Variants in NLGN1 observed in about 807,000 individuals in gnomAD.
The protein encoded by NLGN1 is neuroligin 1, also known as neuroligin-1.
Under a neutral mutation model 65.5 loss-of-function variants are expected in NLGN1, and 12 were observed. That is an observed-to-expected ratio of 0.18 (90% CI 0.12 to 0.30). The LOEUF (loss-of-function observed/expected upper bound fraction) is 0.30. Among genes scored for constraint, NLGN1 ranks in the 10% least tolerant of loss-of-function variants. NLGN1 has a pLI of 1.00. For missense variants in NLGN1, 750 were observed against 1,007.1 expected, an observed-to-expected ratio of 0.74 and a Z score of 3.46; for synonymous variants, 350 against 359.5, an observed-to-expected ratio of 0.97 and a Z score of 0.30.
downstream of NLGN1, among the ~76,000 whole-genome samples, chr3:174,288,761 T>C (rs13066383): frequency 3.3e-5 from 5 of 151,666 alleles, no homozygotes; most frequent in African/African-American, 1.2e-4. Flanking sequence ...AGAGCTCCAC[T>C]ATCAACTTCC....
Position 173,580,158 on chromosome 3 carries a change from TTTG to T in NLGN1, c.-320-24119_-320-24117del, listed in dbSNP as rs1280866172. On this transcript the variant is annotated intron_variant, in intron 2 of 6. Transcript: ENST00000457714. ...CCCCACCTTTTCTCAAAATAACTCT[TTTG>T]TATTAAAAGCAACAATGAAATACTT... Among the ~76,000 whole-genome samples, 3 of 152,268 alleles carry T rather than the reference TTTG, an allele frequency of 2.0e-5. No individual in the cohort carries two copies. The East Asian group carries it at 5.8e-4, about 29-fold the overall frequency.
exon 7 of NLGN1, chr3:174,281,270 C>T: frequency 1.2e-6 from 2 of 1,611,912 alleles, no homozygotes; most frequent in Non-Finnish European, 1.7e-6. Context: ...ATCCCCATCC[C>T]CACCCCCATT....
intron 2 of NLGN1, among the ~76,000 whole-genome samples, chr3:173,490,395 G>C (rs898367843): frequency 6.6e-6 from 1 of 152,144 alleles, no homozygotes; most frequent in African/African-American, 2.4e-5. Context: ...TCAAAGATCA[G>C]ATAGTTGTAG....
intron 2 of NLGN1, among the ~76,000 whole-genome samples, chr3:173,600,580 A>T (rs1192644786): frequency 4.7e-5 from 1 of 21,464 alleles, no homozygotes; most frequent in Non-Finnish European, 1.8e-4. Flanking sequence ...CAAGGTAGAA[A>T]TAAAAACATA....
chr3:173,764,720 T>A (rs972804980), intron 3 of NLGN1, among the ~76,000 whole-genome samples: 14 of 152,102 alleles, frequency 9.2e-5, no homozygotes, highest in African/African-American at 3.4e-4. Context: ...ATGAAAGGAT[T>A]TCTAGTTCTT....
At chr3:173,688,172 T>C (rs750548477) in intron 3 of NLGN1, among the ~76,000 whole-genome samples, 4 of 152,252 alleles carry the variant, frequency 2.6e-5, no homozygotes, top group Non-Finnish European at 5.9e-5. Flanking sequence ...CTGCATGTTC[T>C]TCCTACTTGT....
At chr3:173,653,590 C>T (rs1759542397) in intron 3 of NLGN1, among the ~76,000 whole-genome samples, 1 of 152,066 alleles carries the variant, frequency 6.6e-6, no homozygotes, top group African/African-American at 2.4e-5. Flanking sequence ...AAAATGAAAA[C>T]TTCGCATTTT....
intron 4 of NLGN1, among the ~76,000 whole-genome samples, chr3:173,954,727 A>G (rs559866783): frequency 6.6e-6 from 1 of 152,254 alleles, no homozygotes; most frequent in South Asian, 2.1e-4. Context: ...GACAAACTGA[A>G]ACCAAGGTTG....
chr3:174,100,326 G>A (rs769300907), intron 4 of NLGN1, among the ~76,000 whole-genome samples: 16 of 150,980 alleles, frequency 1.1e-4, no homozygotes, highest in South Asian at 2.1e-4. Context: ...AATGTTCACC[G>A]TAAAGTATAA....
intron 4 of NLGN1, among the ~76,000 whole-genome samples, chr3:173,863,162 A>G (rs1170647540): frequency 2.6e-5 from 4 of 151,810 alleles, no homozygotes; most frequent in Non-Finnish European, 5.9e-5. Flanking sequence ...CTTCTATTTT[A>G]TGTTAAAAAT....
At chr3:174,117,404 C>T (rs1244523004) in intron 4 of NLGN1, among the ~76,000 whole-genome samples, 1 of 151,898 alleles carries the variant, frequency 6.6e-6, no homozygotes, top group East Asian at 1.9e-4. Context: ...ATCACTAGGT[C>T]AGGAGATCGA....
intron 4 of NLGN1, among the ~76,000 whole-genome samples, chr3:173,862,702 T>C (rs1729389634): frequency 6.6e-6 from 1 of 152,128 alleles, no homozygotes; most frequent in Admixed American, 6.5e-5. Context: ...TATTTCTTTG[T>C]ATTGTTTATA....
In NLGN1 at chr3:173,912,025, T is replaced by G. The variant is rs1466713493; in HGVS notation, c.646+104193T>G. On this transcript the variant is annotated intron_variant, in intron 4 of 6. Coordinates refer to ENST00000457714, the Ensembl canonical transcript of NLGN1. ...TTTACAGAACTTTTTCTAGTATATT[T>G]CATAAGATCACAAGAAATCTGGTTG... Among the ~76,000 whole-genome samples, 3 of 152,330 alleles carry G rather than the reference T, an allele frequency of 2.0e-5. No individual in the cohort carries two copies. In the East Asian group the frequency reaches 5.8e-4, roughly 29 times the overall value.
intron 4 of NLGN1, among the ~76,000 whole-genome samples, chr3:174,067,994 G>T (rs1393243526): frequency 6.6e-6 from 1 of 152,168 alleles, no homozygotes; most frequent in Non-Finnish European, 1.5e-5. Flanking sequence ...AAACTGGGAA[G>T]TAGGTGAGGC....
At chr3:174,002,943 T>A (rs549287532) in intron 4 of NLGN1, among the ~76,000 whole-genome samples, 9 of 152,280 alleles carry the variant, frequency 5.9e-5, no homozygotes, top group African/African-American at 2.2e-4. Context: ...ATCCATCAAT[T>A]GTCAATGCTT....
intron 4 of NLGN1, among the ~76,000 whole-genome samples, chr3:173,932,642 G>T (rs966313834): frequency 6.6e-6 from 1 of 152,170 alleles, no homozygotes; most frequent in African/African-American, 2.4e-5. Context: ...TGAGAAGTTA[G>T]GGTGTGTAAC....
intron 4 of NLGN1, among the ~76,000 whole-genome samples, chr3:174,206,317 A>C (rs1735403689): frequency 6.6e-6 from 1 of 152,194 alleles, no homozygotes. Flanking sequence ...ACTGGGCTCG[A>C]GGATCACACC....
rs150670533 is a variant in NLGN1, at chr3:173,638,605, C to T, written c.493+33514C>T. ...TGTCTTTTGTAAAATGTACGTACCA[C>T]ACAAGAATTAATGACCAATTTGATG... On this transcript the variant is annotated intron_variant, in intron 3 of 6. Coordinates refer to ENST00000457714, the Ensembl canonical transcript of NLGN1. Among the ~76,000 whole-genome samples the T allele has an allele frequency of 3.5e-3, 528 of 152,222 alleles. 4 individuals are homozygous for T. The highest frequency in any genetic ancestry group is 5.1e-3 in the Non-Finnish European group (344 of 68,010).
intron 3 of NLGN1, among the ~76,000 whole-genome samples, chr3:173,671,702 G>A (rs533787699): frequency 8.5e-5 from 13 of 152,228 alleles, no homozygotes; most frequent in Non-Finnish European, 1.9e-4. Context: ...ACATTTGACA[G>A]GTGAGAAAAT....
Sources: allele counts gnomAD v4.1 joint callset (sites outside exome capture counted in the v4.1 genomes callset), GRCh38; gene constraint gnomAD v4.1.1; transcripts MANE v1.5; gene names NCBI Gene and HGNC (gene_info 2026-07-23, HGNC 2026-07-21).